The following PLA2G4E variants were observed in gnomAD, a reference collection of about 807,000 sequenced individuals.
PLA2G4E encodes the protein cytosolic phospholipase A2 epsilon.
Under a neutral mutation model 109.1 loss-of-function variants are expected in PLA2G4E, and 84 were observed. That is an observed-to-expected ratio of 0.77 (90% CI 0.65 to 0.92). The LOEUF is 0.92. PLA2G4E is among the 40% of genes least tolerant of loss of function. PLA2G4E has a pLI of 0.00. For synonymous variants in PLA2G4E, 469 were observed against 436.1 expected (o/e 1.08, Z -0.94); for missense variants, 1,057 against 1,076.6 (o/e 0.98, Z 0.25).
intron 10 of PLA2G4E, chr15:41,999,159 A>G: frequency 6.0e-6 from 1 of 166,758 alleles, no homozygotes; most frequent in East Asian, 1.6e-4. Context: ...ACAAGATAAA[A>G]AAACAAATTT....
At chr15:41,988,967 A>G (rs1481642335) in intron 15 of PLA2G4E, among the ~76,000 whole-genome samples, 4 of 152,196 alleles carry the variant, frequency 2.6e-5, no homozygotes, top group African/African-American at 7.2e-5. Flanking sequence ...AAGACTCTGA[A>G]GGGAAGAACT....
At chr15:42,021,899 C>G (rs1566847055) in intron 1 of PLA2G4E, among the ~76,000 whole-genome samples, 1 of 152,228 alleles carries the variant, frequency 6.6e-6, no homozygotes, top group South Asian at 2.1e-4. Flanking sequence ...ATGGGACAGA[C>G]TGGGCCTGAA....
Position 42,004,933 on chromosome 15 carries a change from C to T in PLA2G4E, c.566+5G>A. On this transcript the variant is annotated splice_donor_5th_base_variant and intron_variant, in intron 5 of 19. Coordinates refer to ENST00000399518, the Ensembl canonical transcript of PLA2G4E. ...TGGTGGGCCCCGGGGCCTGGGCCTA[C>T]TCACCTCTCCTCCAGCAGGAACTCC... 2 of 1,613,180 alleles carry T rather than the reference C, an allele frequency of 1.2e-6. No individual in the cohort carries two copies. The highest frequency in any genetic ancestry group is 1.7e-6 in the Non-Finnish European group (2 of 1,179,704).
chr15:42,021,289 C>A (rs142903033), intron 1 of PLA2G4E, among the ~76,000 whole-genome samples: 1 of 152,102 alleles, frequency 6.6e-6, no homozygotes, highest in Non-Finnish European at 1.5e-5. Flanking sequence ...AATGACCAGG[C>A]CTTCAAGGGC....
chr15:42,005,905 C>A (rs1566842074), intron 4 of PLA2G4E, 85 bp downstream of exon 4: 1 of 1,490,722 alleles, frequency 6.7e-7, no homozygotes, highest in Non-Finnish European at 9.2e-7. Flanking sequence ...ACAGAGAAGA[C>A]CCTGGGGAAT....
chr15:42,004,969 C>T, exon 5 of PLA2G4E: 2 of 1,613,124 alleles, frequency 1.2e-6, no homozygotes, highest in Non-Finnish European at 1.7e-6. Context: ...ACCTCCAGCT[C>T]TTCCATGCCC....
intron 2 of PLA2G4E, chr15:42,010,083 A>T (rs1362605509): frequency 2.0e-6 from 1 of 499,840 alleles, no homozygotes; most frequent in East Asian, 5.7e-5. Context: ...ACTCACCAGG[A>T]ACCTGCTCAG....
intron 1 of PLA2G4E, among the ~76,000 whole-genome samples, chr15:42,020,597 G>A (rs375856716): frequency 1.3e-5 from 2 of 150,086 alleles, no homozygotes; most frequent in African/African-American, 2.4e-5. Context: ...CTTGCCATTA[G>A]GGCAGGCCAA....
intron 1 of PLA2G4E, among the ~76,000 whole-genome samples, chr15:42,025,223 A>G (rs1313960431): frequency 6.6e-6 from 1 of 151,746 alleles, no homozygotes; most frequent in Non-Finnish European, 1.5e-5. Flanking sequence ...AAAGGAAAAG[A>G]AAAGAAAAGA....
At chr15:42,007,684 G>A in intron 3 of PLA2G4E, 45 bp downstream of exon 3, 1 of 1,589,822 alleles carries the variant, frequency 6.3e-7, no homozygotes, top group Admixed American at 1.7e-5. Context: ...CAAGAGGGGA[G>A]TAAAATGCAG....
intron 1 of PLA2G4E, among the ~76,000 whole-genome samples, chr15:42,020,022 C>T (rs763594227): frequency 6.6e-6 from 1 of 152,264 alleles, no homozygotes; most frequent in Non-Finnish European, 1.5e-5. Flanking sequence ...AGACGCCCTT[C>T]CAGCCACCCA....
intron 1 of PLA2G4E, among the ~76,000 whole-genome samples, chr15:42,018,207 C>T (rs1489446396): frequency 6.6e-6 from 1 of 152,186 alleles, no homozygotes; most frequent in Non-Finnish European, 1.5e-5. Context: ...AGCAAAAATT[C>T]ATGGCCTGGA....
intron 1 of PLA2G4E, among the ~76,000 whole-genome samples, chr15:42,047,041 G>A (rs991350945): frequency 2.0e-5 from 3 of 152,192 alleles, no homozygotes; most frequent in African/African-American, 4.8e-5. Context: ...GGCAGATGAG[G>A]AGCTATTTGA....
chr15:41,989,642 C>T, intron 14 of PLA2G4E, 90 bp from the exon 15 acceptor site: 2 of 1,502,044 alleles, frequency 1.3e-6, no homozygotes, highest in Non-Finnish European at 1.8e-6. Context: ...GCCACTGGCT[C>T]AGGCCTTGGA....
Position 42,031,305 on chromosome 15 carries a change from T to C in PLA2G4E, c.184-17548A>G, listed in dbSNP as rs1326569101. Among the ~76,000 whole-genome samples, 104 of 152,316 alleles carry C rather than the reference T, an allele frequency of 6.8e-4. 2 individuals carry two copies. The highest frequency in any genetic ancestry group is 1.8e-4 in the Non-Finnish European group (12 of 68,032). ...TCCCTTCATGCTTAGCAATCATAAA[T>C]AAAGCTGCTGTAAACATTTGCACAC... On this transcript the variant is annotated intron_variant, in intron 1 of 19. Coordinates refer to ENST00000399518, the Ensembl canonical transcript of PLA2G4E.
chr15:42,010,016 C>T (rs2068516292), intron 2 of PLA2G4E: 3 of 420,160 alleles, frequency 7.1e-6, no homozygotes, highest in South Asian at 6.2e-5. Flanking sequence ...GGTACAGATA[C>T]ATCACTGCAG....
intron 15 of PLA2G4E, 121 bp downstream of exon 15, chr15:41,989,294 C>T: frequency 7.3e-7 from 1 of 1,370,980 alleles, no homozygotes; most frequent in East Asian, 2.5e-5. Flanking sequence ...GACTTGGGAC[C>T]ACTCCTAGGA....
intron 1 of PLA2G4E, 127 bp from the exon 2 acceptor site, chr15:42,013,884 T>A (rs1221309914): frequency 4.0e-5 from 1 of 24,768 alleles, no homozygotes; most frequent in Non-Finnish European, 1.2e-4. Flanking sequence ...CTAGGCTGGT[T>A]TTTTTTTTTT....
intron 1 of PLA2G4E, among the ~76,000 whole-genome samples, chr15:42,022,424 A>G (rs2068656949): frequency 6.6e-6 from 1 of 152,056 alleles, no homozygotes; most frequent in Admixed American, 6.6e-5. Context: ...CTTTATTTCT[A>G]TTATTATCAT....
Sources: gnomAD v4.1 joint callset for allele counts (sites outside exome capture counted in the v4.1 genomes callset) on GRCh38, gnomAD v4.1.1 for gene constraint, MANE v1.5 for transcripts, NCBI Gene and HGNC (gene_info 2026-07-23, HGNC 2026-07-21) for gene names.